Variants in PLCL1 observed in about 807,000 individuals in gnomAD.
PLCL1 encodes the protein phospholipase C like 1 (inactive).
A neutral mutation model predicts 84.4 loss-of-function variants in PLCL1; 41 were observed. The observed-to-expected ratio is 0.49, with a 90% CI of 0.38 to 0.63. The LOEUF is 0.63. Among genes scored for constraint, PLCL1 ranks in the 30% least tolerant of loss-of-function variants. The pLI is 0.00. For synonymous variants in PLCL1, 490 were observed against 488.3 expected, an observed-to-expected ratio of 1.00 and a Z score of -0.05; for missense variants, 1,206 against 1,367.8, an observed-to-expected ratio of 0.88 and a Z score of 1.87.
intron 3 of PLCL1, among the ~76,000 whole-genome samples, chr2:198,094,872 CT>C (rs1164749132): frequency 6.6e-6 from 1 of 151,982 alleles, no homozygotes; most frequent in African/African-American, 2.4e-5. Flanking sequence ...ATGTAAATGC[CT>C]ATCTAGTATT....
chr2:197,804,650 C>A lies in PLCL1; in HGVS notation c.-450C>A. The stretch of plus-strand genomic sequence containing the variant: ...CTTCCTGGGACCGCTGCGCCGCAGT[C>A]CGCGGGCAGGTGGCGGGTGCGCCCG... On this transcript the variant is annotated 5_prime_UTR_variant, in exon 1 of 6. Coordinates refer to ENST00000428675, the MANE Select transcript of PLCL1 (RefSeq NM_006226.4). 6.6e-6 allele frequency: 1 copy of A among 151,908 alleles called. No individual in the cohort carries two copies. Among genetic ancestry groups the A allele is most frequent in the South Asian group, 2.0e-4 (1 of 5,128 alleles). 9.4% of individuals were successfully genotyped at this position (151,908 alleles called of 1,614,324 possible).
intron 1 of PLCL1, among the ~76,000 whole-genome samples, chr2:197,837,074 T>G (rs185301994): frequency 6.6e-6 from 1 of 152,278 alleles, no homozygotes; most frequent in Admixed American, 6.5e-5. Context: ...TCATGATTTC[T>G]TCCCTGAAAG....
intron 5 of PLCL1, among the ~76,000 whole-genome samples, chr2:198,107,093 G>A (rs1322189263): frequency 1.3e-5 from 2 of 151,890 alleles, no homozygotes; most frequent in Non-Finnish European, 2.9e-5. Context: ...GCATGGCTGG[G>A]AGGGCCACAG....
intron 5 of PLCL1, among the ~76,000 whole-genome samples, chr2:198,110,519 A>G (rs766103409): frequency 6.6e-6 from 1 of 151,916 alleles, no homozygotes; most frequent in Non-Finnish European, 1.5e-5. Context: ...GCCTGAAAAC[A>G]CATTTGAAGT....
intron 1 of PLCL1, among the ~76,000 whole-genome samples, chr2:198,000,768 T>C (rs1219347196): frequency 1.3e-5 from 2 of 152,118 alleles, no homozygotes; most frequent in Non-Finnish European, 2.9e-5. Context: ...GAGACTTTTA[T>C]TGAAAGGAAC....
At chr2:197,945,440 A>G (rs1390158543) in intron 1 of PLCL1, among the ~76,000 whole-genome samples, 2 of 152,224 alleles carry the variant, frequency 1.3e-5, no homozygotes, top group East Asian at 3.8e-4. Context: ...ACACAGAATT[A>G]GAAATGCAGA....
At chr2:198,020,654 G>A (rs1691111821) in intron 1 of PLCL1, among the ~76,000 whole-genome samples, 2 of 151,962 alleles carry the variant, frequency 1.3e-5, no homozygotes, top group Admixed American at 1.3e-4. Context: ...AAAAAGAAGG[G>A]CATTACATAA....
intron 1 of PLCL1, among the ~76,000 whole-genome samples, chr2:197,993,510 A>G (rs890049677): frequency 1.3e-5 from 2 of 152,280 alleles, no homozygotes; most frequent in Non-Finnish European, 2.9e-5. Context: ...GATTATTCTC[A>G]GAAGTGTGGG....
intron 1 of PLCL1, among the ~76,000 whole-genome samples, chr2:197,877,978 C>A (rs915816863): frequency 5.3e-5 from 8 of 152,014 alleles, no homozygotes; most frequent in Non-Finnish European, 2.9e-5. Context: ...AAACCAATTC[C>A]TAGTGTGTGT....
At chr2:197,982,333 T>C (rs1007343093) in intron 1 of PLCL1, among the ~76,000 whole-genome samples, 1 of 152,180 alleles carries the variant, frequency 6.6e-6, no homozygotes, top group Admixed American at 6.5e-5. Context: ...TCCACTTTTA[T>C]TGATAACCAA....
intron 1 of PLCL1, among the ~76,000 whole-genome samples, chr2:197,835,402 A>G (rs778868669): frequency 6.6e-6 from 1 of 152,218 alleles, no homozygotes; most frequent in Non-Finnish European, 1.5e-5. Flanking sequence ...TTATATTCCC[A>G]GTATACAGGT....
At chr2:197,877,377 C>T (rs1687754560) in intron 1 of PLCL1, among the ~76,000 whole-genome samples, 1 of 151,882 alleles carries the variant, frequency 6.6e-6, no homozygotes, top group Non-Finnish European at 1.5e-5. Context: ...TTTATAAGGG[C>T]TTTTAAAGTT....
intron 1 of PLCL1, among the ~76,000 whole-genome samples, chr2:197,840,577 G>T (rs1432343888): frequency 2.0e-5 from 3 of 151,876 alleles, no homozygotes; most frequent in African/African-American, 7.3e-5. Flanking sequence ...GACTCAAACT[G>T]GTCCATTTTA....
At chr2:197,844,796 G>C (rs1344106602) in intron 1 of PLCL1, among the ~76,000 whole-genome samples, 1 of 151,988 alleles carries the variant, frequency 6.6e-6, no homozygotes, top group Non-Finnish European at 1.5e-5. Context: ...TCTGTGTTCT[G>C]TTCTTATAAC....
At chr2:197,879,055 A>G (rs546200452) in intron 1 of PLCL1, among the ~76,000 whole-genome samples, 6 of 152,308 alleles carry the variant, frequency 3.9e-5, no homozygotes, top group South Asian at 2.1e-4. Flanking sequence ...CCGCTGGGGC[A>G]CAGCTTCCTT....
At chr2:197,907,838 G>A (rs751818713) in intron 1 of PLCL1, among the ~76,000 whole-genome samples, 6 of 152,112 alleles carry the variant, frequency 3.9e-5, no homozygotes, top group Non-Finnish European at 8.8e-5. Context: ...GCTAATGCCT[G>A]GTCTATCCCA....
intron 1 of PLCL1, among the ~76,000 whole-genome samples, chr2:198,003,646 C>A (rs114833134): frequency 8.9e-4 from 136 of 152,164 alleles, no homozygotes; most frequent in African/African-American, 3.2e-3. Flanking sequence ...TTTGGCTCAA[C>A]CTATGCTTAA....
At chr2:197,999,645 C>T (rs1690553097) in intron 1 of PLCL1, among the ~76,000 whole-genome samples, 1 of 152,190 alleles carries the variant, frequency 6.6e-6, no homozygotes, top group African/African-American at 2.4e-5. Flanking sequence ...TAGGGCGTTG[C>T]TGCCCTAATG....
intron 1 of PLCL1, among the ~76,000 whole-genome samples, chr2:198,030,265 G>A (rs562447678): frequency 6.6e-6 from 1 of 152,158 alleles, no homozygotes; most frequent in East Asian, 1.9e-4. Context: ...AACATATGGT[G>A]TTTGATTTTC....
Sources: allele counts gnomAD v4.1 joint callset (sites outside exome capture counted in the v4.1 genomes callset), GRCh38; gene constraint gnomAD v4.1.1; transcripts MANE v1.5; gene names NCBI Gene and HGNC (gene_info 2026-07-23, HGNC 2026-07-21).